The following NFIL3 variants were observed in gnomAD, a reference collection of about 807,000 sequenced individuals.
The protein encoded by NFIL3 is nuclear factor, interleukin 3 regulated, also known as nuclear factor interleukin-3-regulated protein.
In NFIL3, 5 loss-of-function variants were observed where a neutral mutation model predicts 10.0. The observed-to-expected ratio is 0.50, with a 90% CI of 0.26 to 1.06. NFIL3 has a LOEUF of 1.06. Among genes scored for constraint, NFIL3 ranks in the 50% least tolerant of loss-of-function variants. The pLI is 0.13. For missense variants in NFIL3, 436 were observed against 547.6 expected (o/e 0.80, Z 2.03); for synonymous variants, 202 against 206.5 (o/e 0.98, Z 0.19).
the NFIL3 span, among the ~76,000 whole-genome samples, chr9:91,465,221 C>T: frequency 2.6e-5 from 4 of 152,090 alleles, no homozygotes; most frequent in African/African-American, 7.2e-5. Flanking sequence ...ATTTCAAATA[C>T]GTATACACTG....
chr9:91,426,967 C>G (rs1257461807), upstream of NFIL3: 1 of 152,084 alleles, frequency 6.6e-6, no homozygotes, highest in Non-Finnish European at 1.5e-5. Context: ...CACACGTGGA[C>G]TGTGGCAAAA....
chr9:91,479,140 A>C, the NFIL3 span, among the ~76,000 whole-genome samples: 1 of 152,190 alleles, frequency 6.6e-6, no homozygotes, highest in African/African-American at 2.4e-5. Context: ...CCACTTGAGG[A>C]GGCAGTCTGT....
At chr9:91,415,417 T>C (rs1414964889) in intron 1 of NFIL3, among the ~76,000 whole-genome samples, 1 of 152,196 alleles carries the variant, frequency 6.6e-6, no homozygotes. Flanking sequence ...ACTTGCCCAG[T>C]GTCACATAGC....
the NFIL3 span, among the ~76,000 whole-genome samples, chr9:91,437,777 T>C: frequency 2.4e-4 from 37 of 152,384 alleles, no homozygotes; most frequent in Admixed American, 1.6e-3. Context: ...TGTGTGTGTC[T>C]AGCTTATTTC....
chr9:91,415,967 G>A (rs1833646933), intron 1 of NFIL3, among the ~76,000 whole-genome samples: 1 of 152,146 alleles, frequency 6.6e-6, no homozygotes, highest in African/African-American at 2.4e-5. Context: ...TCTTTAGCCA[G>A]CAAAGATACT....
chr9:91,470,951 A>G, the NFIL3 span, among the ~76,000 whole-genome samples: 3 of 152,238 alleles, frequency 2.0e-5, no homozygotes, highest in South Asian at 6.2e-4. Flanking sequence ...TAAGTGGTCA[A>G]TTTTGGAGTA....
upstream of NFIL3, among the ~76,000 whole-genome samples, chr9:91,425,963 G>A (rs562158866): frequency 6.6e-6 from 1 of 152,248 alleles, no homozygotes; most frequent in East Asian, 1.9e-4. Context: ...CCCTTCACGT[G>A]TTCTGACCTT....
the NFIL3 span, among the ~76,000 whole-genome samples, chr9:91,461,458 G>T: frequency 1.1e-4 from 16 of 151,888 alleles, no homozygotes; most frequent in South Asian, 3.3e-3. Context: ...ATGACAAATT[G>T]CCACAAACTT....
the NFIL3 span, among the ~76,000 whole-genome samples, chr9:91,437,681 C>T: frequency 7.9e-5 from 12 of 152,322 alleles, no homozygotes; most frequent in African/African-American, 2.9e-4. Context: ...CCTAGCCCCA[C>T]CCCTGGTAAG....
At chr9:91,434,826 T>C in the NFIL3 span, among the ~76,000 whole-genome samples, 1 of 152,142 alleles carries the variant, frequency 6.6e-6, no homozygotes, top group Non-Finnish European at 1.5e-5. Context: ...AAAAATCGCT[T>C]GTACTCTTAA....
At chr9:91,433,333 G>T in the NFIL3 span, among the ~76,000 whole-genome samples, 1 of 152,192 alleles carries the variant, frequency 6.6e-6, no homozygotes, top group African/African-American at 2.4e-5. Context: ...CTGCACACTT[G>T]GGATTGTAGT....
chr9:91,409,614 A>G lies in NFIL3; in HGVS notation c.1121T>C (p.Val374Ala), dbSNP rs770125900. 1 of 1,614,252 alleles carries G rather than the reference A, an allele frequency of 6.2e-7. No homozygotes were observed. The highest frequency in any genetic ancestry group is 8.5e-7 in the Non-Finnish European group (1 of 1,180,038). ...TGAGAAAGGAGTAAGAGAAGAATGT[A>G]CCATACTTGGGGCACTATGCTTTTC... ...ELEKHSAPSM[V>A]HSSLTPFSVQ... The change falls in exon 2 of 2, where the codon GTA (valine) becomes GCA (alanine). Residue 374 changes from valine to alanine, a missense_variant. Val to Ala is a moderately conservative substitution (Grantham distance 64, BLOSUM62 0). Coordinates refer to ENST00000297689, the MANE Select transcript of NFIL3 (RefSeq NM_005384.3).
rs887432342 is a variant in NFIL3, at chr9:91,418,363, C to G, written c.-173+5277G>C. Among the ~76,000 whole-genome samples, 4 of 152,188 alleles carry G rather than the reference C, an allele frequency of 2.6e-5. 1 individual carries two copies. The highest frequency in any genetic ancestry group is 2.6e-4 in the Admixed American group (4 of 15,286). On this transcript the variant is annotated intron_variant, in intron 1 of 1. Transcript: ENST00000297689. ...AATCTTAAAAGGACACCAACAATCA[C>G]AAAGTAACCCAGTTGTAGAAAATTC...
the NFIL3 span, among the ~76,000 whole-genome samples, chr9:91,472,305 A>C: frequency 6.6e-6 from 1 of 152,216 alleles, no homozygotes; most frequent in South Asian, 2.1e-4. Context: ...GTGTTTTCCA[A>C]CTTGGTTCCA....
the NFIL3 span, among the ~76,000 whole-genome samples, chr9:91,465,456 A>T: frequency 6.6e-6 from 1 of 150,986 alleles, no homozygotes. Context: ...TCTTTATTCC[A>T]GTTTCATCTC....
chr9:91,420,388 C>CACACACAT (rs1833740367), intron 1 of NFIL3, among the ~76,000 whole-genome samples: 1 of 148,174 alleles, frequency 6.7e-6, no homozygotes, highest in Non-Finnish European at 1.5e-5. Flanking sequence ...CACACACACA[C>CACACACAT]ACAGATTCTG....
chr9:91,449,822 G>T, the NFIL3 span, among the ~76,000 whole-genome samples: 4,357 of 151,998 alleles, frequency 0.029, 88 homozygotes, highest in East Asian at 0.065. Context: ...CAGTAAAGCC[G>T]TCTGGTCCTG....
chr9:91,468,986 T>A, the NFIL3 span, among the ~76,000 whole-genome samples: 1 of 152,202 alleles, frequency 6.6e-6, no homozygotes, highest in Non-Finnish European at 1.5e-5. Flanking sequence ...AGCTTTGTTC[T>A]TTTTGCTTAG....
chr9:91,412,956 A>G (rs887039406), intron 1 of NFIL3, among the ~76,000 whole-genome samples: 1 of 151,964 alleles, frequency 6.6e-6, no homozygotes, highest in Non-Finnish European at 1.5e-5. Context: ...ACTTTTATCA[A>G]TTGGAAAAGC....
Sources: gnomAD v4.1 joint callset for allele counts (sites outside exome capture counted in the v4.1 genomes callset) on GRCh38, gnomAD v4.1.1 for gene constraint, MANE v1.5 for transcripts, NCBI Gene and HGNC (gene_info 2026-07-23, HGNC 2026-07-21) for gene names.